Variants in ADAMTSL1 observed in about 807,000 individuals in gnomAD.
The protein encoded by ADAMTSL1 is ADAMTS-like protein 1.
Under a neutral mutation model 201.8 loss-of-function variants are expected in ADAMTSL1, and 126 were observed. The observed-to-expected ratio is 0.62, with a 90% CI of 0.54 to 0.72. The LOEUF (loss-of-function observed/expected upper bound fraction) is 0.72. Ranked by LOEUF, ADAMTSL1 falls within the 30% of genes least tolerant of loss-of-function variation. The pLI is 0.00. For missense variants in ADAMTSL1, 2,679 were observed against 2,277.8 expected (o/e 1.18, Z -3.59); for synonymous variants, 1,121 against 903.4 (o/e 1.24, Z -4.32).
intron 2 of ADAMTSL1, among the ~76,000 whole-genome samples, chr9:18,170,014 G>A (rs959176047): frequency 1.3e-5 from 2 of 151,936 alleles, no homozygotes; most frequent in African/African-American, 2.4e-5. Flanking sequence ...CAGCACATTT[G>A]CTACTTTGAG....
rs1554667545 is a variant in ADAMTSL1, at chr9:17,940,809, C to CA, written c.87+33887_87+33888insA. Reference sequence around the variant, plus strand: ...AAAATAAAAGTAAATAACACCCCCCCCCCAAAAAAAAGAAAGAAATAACGA... The same window carrying CA: ...AAAATAAAAGTAAATAACACCCCCCCACCCAAAAAAAAGAAAGAAATAACGA... On this transcript the variant is annotated intron_variant, in intron 1 of 29. Coordinates refer to the ADAMTSL1 transcript ENST00000680146. 3.1e-5 allele frequency among the ~76,000 whole-genome samples: 2 copies of CA among 64,302 alleles called. 1 individual carries two copies. The highest frequency in any genetic ancestry group is 1.1e-4 in the African/African-American group (2 of 17,976). The allele number at this position is 64,302 out of a possible 152,430, so 42.2% of individuals were successfully genotyped here. A position where few individuals can be genotyped will look rare whatever the true frequency, so the allele number is the denominator to read the frequency against.
chr9:18,294,216 A>G (rs1005892254), intron 2 of ADAMTSL1, among the ~76,000 whole-genome samples: 11 of 152,218 alleles, frequency 7.2e-5, no homozygotes, highest in Non-Finnish European at 1.6e-4. Context: ...TAAAGTTCAA[A>G]AAGAATCCAC....
At chr9:17,958,406 A>C (rs575569120) in intron 1 of ADAMTSL1, among the ~76,000 whole-genome samples, 1 of 152,312 alleles carries the variant, frequency 6.6e-6, no homozygotes, top group East Asian at 1.9e-4. Flanking sequence ...TGTTTATCAA[A>C]GGCACAAGTT....
At chr9:18,191,504 C>G (rs1234045821) in intron 2 of ADAMTSL1, among the ~76,000 whole-genome samples, 1 of 152,152 alleles carries the variant, frequency 6.6e-6, no homozygotes, top group African/African-American at 2.4e-5. Flanking sequence ...CAAGTTCAGC[C>G]TACAGCCTAA....
chr9:18,488,977 C>T (rs1822133018), intron 1 of ADAMTSL1, among the ~76,000 whole-genome samples: 1 of 152,110 alleles, frequency 6.6e-6, no homozygotes, highest in Admixed American at 6.5e-5. Context: ...CTCATAAATG[C>T]TTGTCTAATT....
intron 1 of ADAMTSL1, among the ~76,000 whole-genome samples, chr9:18,493,516 G>C (rs1822368020): frequency 6.6e-6 from 1 of 152,158 alleles, no homozygotes; most frequent in South Asian, 2.1e-4. Flanking sequence ...TGTTTACTCA[G>C]TGACAGGCTC....
chr9:18,214,634 A>G (rs1486714795), intron 2 of ADAMTSL1, among the ~76,000 whole-genome samples: 2 of 152,246 alleles, frequency 1.3e-5, no homozygotes, highest in Non-Finnish European at 2.9e-5. Flanking sequence ...CTAACTTTGA[A>G]TTTGTGTATC....
chr9:17,962,553 C>G (rs1280814813), intron 1 of ADAMTSL1, among the ~76,000 whole-genome samples: 1 of 152,130 alleles, frequency 6.6e-6, no homozygotes, highest in African/African-American at 2.4e-5. Flanking sequence ...AGAATGTTAT[C>G]TGAATCATTC....
chr9:18,335,069 A>C (rs905581925), intron 2 of ADAMTSL1, among the ~76,000 whole-genome samples: 3 of 152,188 alleles, frequency 2.0e-5, no homozygotes, highest in Non-Finnish European at 4.4e-5. Flanking sequence ...TACGTAAGGC[A>C]TTATGAAACT....
In ADAMTSL1 at chr9:18,770,627, T is replaced by C; in HGVS notation, c.2243T>C (p.Val748Ala). The change falls in exon 17 of 29, where the codon GTT becomes GCT. Residue 748 changes from valine (V) to alanine (A), a missense_variant. Transcript: ENST00000380548. ...TGTTCCAGAACGTGTGGCGGGGGTG[T>C]TCAGAAACGTGAGGTTCTTTGCAAG... ...QPCSRTCGGG[V>A]QKREVLCKQR... The C allele has an allele frequency of 6.2e-7, 1 of 1,613,104 alleles. No individual in the cohort carries two copies. The highest frequency in any genetic ancestry group is 1.7e-4 in the Middle Eastern group (1 of 5,978).
intron 1 of ADAMTSL1, among the ~76,000 whole-genome samples, chr9:18,130,587 C>T (rs1303042880): frequency 6.6e-6 from 1 of 152,106 alleles, no homozygotes; most frequent in Non-Finnish European, 1.5e-5. Context: ...TTTATCTTTA[C>T]AGAGAGAAGC....
intron 1 of ADAMTSL1, among the ~76,000 whole-genome samples, chr9:18,069,306 T>G (rs1822849778): frequency 2.6e-5 from 4 of 152,226 alleles, no homozygotes; most frequent in Admixed American, 2.6e-4. Context: ...CTATTTTAGT[T>G]TACTTTTTTC....
chr9:18,122,272 C>A (rs1825534677), intron 1 of ADAMTSL1, among the ~76,000 whole-genome samples: 1 of 152,146 alleles, frequency 6.6e-6, no homozygotes, highest in Non-Finnish European at 1.5e-5. Context: ...ACCTACATAT[C>A]CATGACTCAT....
intron 20 of ADAMTSL1, among the ~76,000 whole-genome samples, chr9:18,798,780 T>A (rs897350133): frequency 1.3e-5 from 2 of 152,250 alleles, no homozygotes; most frequent in African/African-American, 2.4e-5. Context: ...GTCCCGTAGA[T>A]CTGGTGTCTT....
At chr9:18,117,138 A>G (rs7025446) in intron 1 of ADAMTSL1, among the ~76,000 whole-genome samples, 66,630 of 151,932 alleles carry the variant, frequency 0.44, 14,980 homozygotes, top group East Asian at 0.57. Context: ...TTGAACCACC[A>G]TCTTCTCCTA....
At chr9:18,478,809 G>C (rs980441141) in intron 1 of ADAMTSL1, among the ~76,000 whole-genome samples, 2 of 152,184 alleles carry the variant, frequency 1.3e-5, no homozygotes, top group African/African-American at 4.8e-5. Flanking sequence ...ACAGGAAAAT[G>C]TGTCTAAATC....
intron 3 of ADAMTSL1, among the ~76,000 whole-genome samples, chr9:18,570,868 C>A (rs920099267): frequency 6.6e-6 from 1 of 152,154 alleles, no homozygotes; most frequent in Admixed American, 6.5e-5. Flanking sequence ...TCTTCTCAGA[C>A]CTATTTCTCT....
At chr9:18,447,810 C>T (rs377414194) in intron 2 of ADAMTSL1, among the ~76,000 whole-genome samples, 2 of 152,204 alleles carry the variant, frequency 1.3e-5, no homozygotes, top group East Asian at 3.9e-4. Flanking sequence ...TATGCATGCC[C>T]CTCAGGGGCC....
intron 2 of ADAMTSL1, among the ~76,000 whole-genome samples, chr9:18,208,051 G>A (rs1205577418): frequency 3.9e-5 from 6 of 152,132 alleles, no homozygotes; most frequent in Non-Finnish European, 7.4e-5. Context: ...GAACCACTCA[G>A]AGTCTCAGGT....
Sources: allele counts gnomAD v4.1 joint callset (sites outside exome capture counted in the v4.1 genomes callset), GRCh38; gene constraint gnomAD v4.1.1; transcripts MANE v1.5; gene names NCBI Gene and HGNC (gene_info 2026-07-23, HGNC 2026-07-21).